DRC11: variants seen among roughly 807,000 people sequenced by gnomAD.
The protein encoded by DRC11 is IQ and AAA domain-containing protein 1.
the DRC11 span, among the ~76,000 whole-genome samples, chr2:236,494,769 G>A: frequency 4.3e-4 from 66 of 152,164 alleles, no homozygotes; most frequent in East Asian, 1.2e-3. This position sits in a 1 kb window ranked among gnomAD's most constrained non-coding sequence, Gnocchi z 4.2. Flanking sequence ...TTAGGACCTG[G>A]TGGGACAGTA....
At chr2:236,419,402 C>T in the DRC11 span, 1,056 of 1,364,296 alleles carry the variant, frequency 7.7e-4, 6 homozygotes, top group African/African-American at 0.013. This position sits in a 1 kb window ranked among gnomAD's most constrained non-coding sequence, Gnocchi z 4.8. Flanking sequence ...CCCTGCAGGC[C>T]GACCCCTTCT....
the DRC11 span, among the ~76,000 whole-genome samples, chr2:236,393,781 C>T: frequency 2.6e-5 from 4 of 152,030 alleles, no homozygotes; most frequent in South Asian, 4.2e-4. The surrounding 1 kb of genome is among the most constrained non-coding windows in gnomAD (Gnocchi z 4.7). Flanking sequence ...ACAATTGTCC[C>T]GAGGGTTTTG....
chr2:236,338,365 C>T, the DRC11 span: 3 of 1,612,864 alleles, frequency 1.9e-6, no homozygotes, highest in Non-Finnish European at 2.5e-6. Context: ...GGTGTTTTTT[C>T]AGGCGTTTAG....
At chr2:236,439,429 G>C in the DRC11 span, among the ~76,000 whole-genome samples, 1 of 152,098 alleles carries the variant, frequency 6.6e-6, no homozygotes, top group Non-Finnish European at 1.5e-5. Flanking sequence ...ATTTTAATTG[G>C]AATTGCATTA....
chr2:236,357,113 C>CGA, the DRC11 span, among the ~76,000 whole-genome samples: 1 of 88,560 alleles, frequency 1.1e-5, no homozygotes, highest in African/African-American at 4.0e-5. Context: ...TATTATATAT[C>CGA]TATATATTAT....
the DRC11 span, among the ~76,000 whole-genome samples, chr2:236,501,484 T>C: frequency 6.6e-6 from 1 of 152,134 alleles, no homozygotes; most frequent in Non-Finnish European, 1.5e-5. Flanking sequence ...CCTGGGACCC[T>C]CTGACATTCT....
the DRC11 span, among the ~76,000 whole-genome samples, chr2:236,314,888 A>C: frequency 2.0e-5 from 3 of 152,232 alleles, no homozygotes; most frequent in Non-Finnish European, 4.4e-5. The surrounding 1 kb of genome is among the most constrained non-coding windows in gnomAD (Gnocchi z 4.5). Context: ...ATTGATCTAT[A>C]GATTCAATAT....
the DRC11 span, chr2:236,331,349 G>C: frequency 6.3e-7 from 1 of 1,583,844 alleles, no homozygotes; most frequent in Non-Finnish European, 8.7e-7. The surrounding 1 kb of genome is among the most constrained non-coding windows in gnomAD (Gnocchi z 4.8). Context: ...TCATCAGGGT[G>C]TTCATTTACC....
At chr2:236,337,374 C>A in the DRC11 span, among the ~76,000 whole-genome samples, 5 of 152,330 alleles carry the variant, frequency 3.3e-5, no homozygotes, top group East Asian at 9.7e-4. This position sits in a 1 kb window ranked among gnomAD's most constrained non-coding sequence, Gnocchi z 4.9. Context: ...CCAGCCCACA[C>A]CACCTTCTTC....
chr2:236,334,682 G>A, the DRC11 span, among the ~76,000 whole-genome samples: 2 of 152,190 alleles, frequency 1.3e-5, no homozygotes, highest in South Asian at 2.1e-4. The surrounding 1 kb of genome is among the most constrained non-coding windows in gnomAD (Gnocchi z 7.8). Flanking sequence ...TCGAGATGAC[G>A]CAGTCTCTGA....
the DRC11 span, among the ~76,000 whole-genome samples, chr2:236,312,129 C>T: frequency 6.6e-6 from 1 of 152,040 alleles, no homozygotes; most frequent in Admixed American, 6.6e-5. Flanking sequence ...AGATGTGCTC[C>T]CTAAGGACAT....
the DRC11 span, among the ~76,000 whole-genome samples, chr2:236,459,595 G>GTATATACGTATATACGTATATATGTA: frequency 8.7e-4 from 94 of 108,640 alleles, 1 homozygote; most frequent in Middle Eastern, 6.1e-3. Context: ...ATACGTATAC[G>GTATATACGTATATACGTATATATGTA]TATACATATA....
At chr2:236,332,149 A>G in the DRC11 span, 1 of 154,592 alleles carries the variant, frequency 6.5e-6, no homozygotes, top group Admixed American at 6.3e-5. The surrounding 1 kb of genome is among the most constrained non-coding windows in gnomAD (Gnocchi z 5.1). Flanking sequence ...GAGCAATTTG[A>G]CCCTTATTCT....
chr2:236,383,640 T>G, the DRC11 span, among the ~76,000 whole-genome samples: 18 of 152,130 alleles, frequency 1.2e-4, no homozygotes, highest in Middle Eastern at 3.4e-3. Flanking sequence ...GTCATTTTTT[T>G]TTTTTTTGTT....
chr2:236,388,231 C>G, the DRC11 span, among the ~76,000 whole-genome samples: 1 of 151,716 alleles, frequency 6.6e-6, no homozygotes, highest in Non-Finnish European at 1.5e-5. Context: ...TGGGGAAGTT[C>G]TCCTGGATAA....
chr2:236,421,386 C>T, the DRC11 span, among the ~76,000 whole-genome samples: 5 of 151,902 alleles, frequency 3.3e-5, no homozygotes, highest in East Asian at 3.9e-4. Context: ...ATATCACCAC[C>T]GACCCCACAG....
At chr2:236,343,572 T>C in the DRC11 span, 1 of 482,084 alleles carries the variant, frequency 2.1e-6, no homozygotes, top group Non-Finnish European at 3.9e-6. The surrounding 1 kb of genome is among the most constrained non-coding windows in gnomAD (Gnocchi z 6.6). Context: ...GAGTAGCCCC[T>C]GCCCATGAAT....
chr2:236,357,451 T>TTA, the DRC11 span, among the ~76,000 whole-genome samples: 19 of 126,454 alleles, frequency 1.5e-4, no homozygotes, highest in South Asian at 9.4e-4. Context: ...TATTTATAAA[T>TTA]TATATATATT....
At chr2:236,481,859 ATATGTATAATTC>A in the DRC11 span, among the ~76,000 whole-genome samples, 2 of 150,488 alleles carry the variant, frequency 1.3e-5, no homozygotes, top group African/African-American at 2.4e-5. Flanking sequence ...ATGTATAACT[ATATGTATAATTC>A]TATGTATAAT....
Sources: allele counts gnomAD v4.1 joint callset (sites outside exome capture counted in the v4.1 genomes callset), GRCh38; gene constraint gnomAD v4.1.1; non-coding constraint Gnocchi (gnomAD v3.1); transcripts MANE v1.5; gene names NCBI Gene and HGNC (gene_info 2026-07-23, HGNC 2026-07-21).